The following GLRA3 variants were observed in gnomAD, a reference collection of about 807,000 sequenced individuals.
GLRA3 encodes glycine receptor subunit alpha-3.
Under a neutral mutation model 60.4 loss-of-function variants are expected in GLRA3, and 44 were observed. The observed-to-expected ratio is 0.73, with a 90% confidence interval of 0.57 to 0.94. GLRA3 has a LOEUF of 0.94. Among genes scored for constraint, GLRA3 ranks in the 40% least tolerant of loss-of-function variants. The pLI, the probability that GLRA3 is intolerant of heterozygous loss-of-function variation, is 0.00. For missense variants in GLRA3, 508 were observed against 564.6 expected, an observed-to-expected ratio of 0.90 and a Z score of 1.02; for synonymous variants, 223 against 192.9, an observed-to-expected ratio of 1.16 and a Z score of -1.29.
intron 9 of GLRA3, among the ~76,000 whole-genome samples, chr4:174,653,328 C>T (rs72706134): frequency 1.6e-3 from 239 of 151,894 alleles, no homozygotes; most frequent in Admixed American, 2.6e-3. Context: ...ATAAAATATT[C>T]AGTTTCATAT....
intron 2 of GLRA3, among the ~76,000 whole-genome samples, chr4:174,783,406 T>C (rs1343861507): frequency 7.6e-6 from 1 of 130,746 alleles, no homozygotes; most frequent in East Asian, 2.1e-4. Flanking sequence ...GACATAGGCA[T>C]GGGCAAGGAC....
chr4:174,786,515 A>G (rs576930441), intron 2 of GLRA3, among the ~76,000 whole-genome samples: 9 of 152,270 alleles, frequency 5.9e-5, no homozygotes, highest in African/African-American at 1.9e-4. Context: ...TATCCTCCTG[A>G]TAGCCGTAAG....
chr4:174,687,949 A>AT (rs1226157969), intron 5 of GLRA3, among the ~76,000 whole-genome samples: 1 of 152,090 alleles, frequency 6.6e-6, no homozygotes, highest in African/African-American at 2.4e-5. Context: ...CCACATTGCA[A>AT]TTAATCTTTA....
chr4:174,799,350 T>C (rs554881441), intron 1 of GLRA3, among the ~76,000 whole-genome samples: 2 of 152,304 alleles, frequency 1.3e-5, no homozygotes, highest in South Asian at 4.1e-4. Context: ...AAAAGTGCCA[T>C]GGCAGTGCTA....
At chr4:174,720,615 G>A (rs1044717849) in intron 4 of GLRA3, among the ~76,000 whole-genome samples, 13 of 152,116 alleles carry the variant, frequency 8.5e-5, no homozygotes, top group African/African-American at 3.1e-4. Flanking sequence ...TGCCAAGACT[G>A]CAAAGCTCTA....
At chr4:174,732,424 T>C (rs1367278315) in intron 3 of GLRA3, among the ~76,000 whole-genome samples, 1 of 150,320 alleles carries the variant, frequency 6.7e-6, no homozygotes, top group Non-Finnish European at 1.5e-5. Flanking sequence ...ACACTCAGGA[T>C]ACAAACATTT....
intron 9 of GLRA3, among the ~76,000 whole-genome samples, chr4:174,646,799 TG>T (rs992847021): frequency 7.2e-5 from 11 of 152,072 alleles, no homozygotes; most frequent in Admixed American, 1.3e-4. Flanking sequence ...TTAAAGCCTA[TG>T]GGTGTTCTGA....
At chr4:174,747,091 T>A (rs1737286074) in intron 3 of GLRA3, among the ~76,000 whole-genome samples, 1 of 152,204 alleles carries the variant, frequency 6.6e-6, no homozygotes, top group Admixed American at 6.5e-5. Flanking sequence ...CTTCTATTAT[T>A]GGTCACCAAT....
At chr4:174,736,377 C>CAGTA (rs1294015780) in intron 3 of GLRA3, among the ~76,000 whole-genome samples, 6 of 151,942 alleles carry the variant, frequency 3.9e-5, no homozygotes, top group Admixed American at 2.0e-4. Flanking sequence ...CAGTATTATG[C>CAGTA]AGTATTACAG....
intron 5 of GLRA3, among the ~76,000 whole-genome samples, chr4:174,698,548 A>C (rs2111038534): frequency 6.6e-6 from 1 of 152,274 alleles, no homozygotes; most frequent in Admixed American, 6.5e-5. Context: ...TAAGAACCAA[A>C]ACCTATACAA....
chr4:174,672,929 T>G (rs573472113), intron 7 of GLRA3, among the ~76,000 whole-genome samples: 3 of 152,246 alleles, frequency 2.0e-5, no homozygotes, highest in Admixed American at 2.0e-4. Context: ...ATAGTGTGTG[T>G]GCATGTGTGT....
rs1180793709 is a variant in GLRA3, at chr4:174,692,282, C to T, written c.575-9343G>A. ...CGAGGGAGGTGGGGGGGTCAGCACC[C>T]CACCCGGCCAGCCGCCCCGTCTGGG... is the stretch of plus-strand genomic sequence containing the variant. On this transcript the variant is annotated intron_variant, in intron 5 of 9. Transcript: ENST00000274093. Among the ~76,000 whole-genome samples, 285 of 141,678 alleles carry T rather than the reference C, an allele frequency of 2.0e-3. 4 individuals are homozygous for T. The highest frequency in any genetic ancestry group is 7.2e-3 in the African/African-American group (269 of 37,596). The allele number at this position is 141,678 out of a possible 152,430, so 92.9% of individuals were successfully genotyped here. A position where few individuals can be genotyped will look rare whatever the true frequency, so the allele number is the denominator to read the frequency against.
At chr4:174,817,113 C>G (rs1213925705) in intron 1 of GLRA3, among the ~76,000 whole-genome samples, 2 of 152,164 alleles carry the variant, frequency 1.3e-5, no homozygotes, top group Admixed American at 6.6e-5. Flanking sequence ...CCAAGAAGTT[C>G]AGCATGCCAC....
At chr4:174,647,737 T>A (rs1283260239) in intron 9 of GLRA3, among the ~76,000 whole-genome samples, 1 of 152,104 alleles carries the variant, frequency 6.6e-6, no homozygotes, top group Non-Finnish European at 1.5e-5. Flanking sequence ...AAAAAATAAC[T>A]CAGTATGTTC....
At chr4:174,753,247 T>C (rs1448964881) in intron 3 of GLRA3, among the ~76,000 whole-genome samples, 2 of 152,142 alleles carry the variant, frequency 1.3e-5, no homozygotes, top group Admixed American at 1.3e-4. Context: ...AGTTGGCTTG[T>C]TGTTTTGTGG....
chr4:174,774,208 T>A (rs1325703910), intron 2 of GLRA3, among the ~76,000 whole-genome samples: 1 of 152,174 alleles, frequency 6.6e-6, no homozygotes, highest in African/African-American at 2.4e-5. Flanking sequence ...ATATTGAGGA[T>A]AATGGGAGCC....
chr4:174,748,390 C>G (rs1438289700), intron 3 of GLRA3, among the ~76,000 whole-genome samples: 1 of 152,060 alleles, frequency 6.6e-6, no homozygotes, highest in African/African-American at 2.4e-5. Context: ...GCATCAGGTA[C>G]AACCATTTAA....
intron 5 of GLRA3, among the ~76,000 whole-genome samples, chr4:174,691,089 G>A (rs1166036421): frequency 6.6e-6 from 1 of 152,126 alleles, no homozygotes; most frequent in Non-Finnish European, 1.5e-5. Context: ...TTCAGGAATG[G>A]CCATACTGCT....
In GLRA3 at chr4:174,693,653, G is replaced by A. The variant is rs183093452; in HGVS notation, c.575-10714C>T. On this transcript the variant is annotated intron_variant, in intron 5 of 9. Coordinates refer to ENST00000274093, the MANE Select transcript of GLRA3 (RefSeq NM_006529.4). ...TTCAGGCTCCTCCTTGGTTCCATAT[G>A]AATTTTAAAATAGTTTTTTTCTAGT... Among the ~76,000 whole-genome samples, 241 of 152,224 alleles carry A rather than the reference G, an allele frequency of 1.6e-3. 1 individual carries two copies. Among genetic ancestry groups the A allele is most frequent in the African/African-American group, 5.6e-3 (231 of 41,538 alleles).
Sources: allele counts gnomAD v4.1 joint callset (sites outside exome capture counted in the v4.1 genomes callset), GRCh38; gene constraint gnomAD v4.1.1; transcripts MANE v1.5; gene names NCBI Gene and HGNC (gene_info 2026-07-23, HGNC 2026-07-21).